ANKS1B: variants seen among roughly 807,000 people sequenced by gnomAD.
ANKS1B encodes ankyrin repeat and sterile alpha motif domain-containing protein 1B.
In ANKS1B, 36 loss-of-function variants were observed where a neutral mutation model predicts 148.3. The observed-to-expected ratio is 0.24, with a 90% confidence interval of 0.19 to 0.32. The LOEUF (loss-of-function observed/expected upper bound fraction) is 0.32. Among genes scored for constraint, ANKS1B ranks in the 10% least tolerant of loss-of-function variants. The pLI, the probability that ANKS1B is intolerant of heterozygous loss-of-function variation, is 1.00. For missense variants in ANKS1B, 1,157 were observed against 1,542.6 expected, an observed-to-expected ratio of 0.75 and a Z score of 4.19; for synonymous variants, 542 against 560.8, an observed-to-expected ratio of 0.97 and a Z score of 0.47.
intron 15 of ANKS1B, among the ~76,000 whole-genome samples, chr12:99,126,552 G>A (rs549661327): frequency 3.5e-4 from 54 of 152,162 alleles, no homozygotes; most frequent in African/African-American, 1.1e-3. Context: ...TATGCATGGC[G>A]AAGATATGTC....
At chr12:99,616,125 TAAAGGA>T (rs2097957069) in intron 9 of ANKS1B, among the ~76,000 whole-genome samples, 1 of 152,042 alleles carries the variant, frequency 6.6e-6, no homozygotes, top group Admixed American at 6.6e-5. Flanking sequence ...AAACCACTGC[TAAAGGA>T]AATCAGAGAG....
intron 1 of ANKS1B, among the ~76,000 whole-genome samples, chr12:99,842,393 T>C: frequency 6.6e-6 from 1 of 152,136 alleles, no homozygotes; most frequent in African/African-American, 2.4e-5. Flanking sequence ...AGTTCTTTGA[T>C]TAACCAAATT....
intron 9 of ANKS1B, among the ~76,000 whole-genome samples, chr12:99,646,394 C>T (rs1438623745): frequency 6.6e-6 from 1 of 152,110 alleles, no homozygotes; most frequent in Non-Finnish European, 1.5e-5. Flanking sequence ...CACGGTGGCT[C>T]ACACCTGTAA....
intron 10 of ANKS1B, among the ~76,000 whole-genome samples, chr12:99,487,344 A>G (rs2096503878): frequency 6.6e-6 from 1 of 152,212 alleles, no homozygotes; most frequent in Admixed American, 6.5e-5. Context: ...TTGTTAGACA[A>G]CAAACAGCTG....
chr12:99,576,994 AGTTAAAAAT>A (rs1446050964), intron 9 of ANKS1B, among the ~76,000 whole-genome samples: 3 of 152,010 alleles, frequency 2.0e-5, no homozygotes, highest in African/African-American at 7.2e-5. Flanking sequence ...TACATTAAGA[AGTTAAAAAT>A]GTCTCAAATT....
At chr12:99,947,391 G>A (rs898525311) in intron 1 of ANKS1B, among the ~76,000 whole-genome samples, 1 of 152,072 alleles carries the variant, frequency 6.6e-6, no homozygotes, top group Non-Finnish European at 1.5e-5. Flanking sequence ...TTGGACACCA[G>A]GGAGACAGAG....
intron 9 of ANKS1B, among the ~76,000 whole-genome samples, chr12:99,629,373 G>C (rs2098137409): frequency 6.6e-6 from 1 of 152,040 alleles, no homozygotes; most frequent in South Asian, 2.1e-4. Flanking sequence ...AAAAAAACTT[G>C]AACAACTTTT....
At chr12:98,890,829 A>G (rs1357533385) in intron 17 of ANKS1B, among the ~76,000 whole-genome samples, 1 of 152,218 alleles carries the variant, frequency 6.6e-6, no homozygotes, top group African/African-American at 2.4e-5. Context: ...GTCCCATGTT[A>G]CTAGAGCTAC....
At chr12:99,868,873 C>T (rs985907636) in intron 1 of ANKS1B, among the ~76,000 whole-genome samples, 2 of 151,982 alleles carry the variant, frequency 1.3e-5, no homozygotes, top group African/African-American at 4.8e-5. Flanking sequence ...GCCTGGCCAA[C>T]ATGGCGAAAT....
intron 1 of ANKS1B, among the ~76,000 whole-genome samples, chr12:99,952,139 A>G (rs1234993042): frequency 6.6e-6 from 1 of 152,322 alleles, no homozygotes. Flanking sequence ...TTCTATAACA[A>G]AATTGATCAA....
chr12:99,723,924 G>A (rs2058358789), intron 8 of ANKS1B, among the ~76,000 whole-genome samples: 1 of 151,356 alleles, frequency 6.6e-6, no homozygotes, highest in Non-Finnish European at 1.5e-5. Context: ...CCTGACCATT[G>A]AAAGAAAAAC....
chr12:99,361,337 T>C (rs1387171524), intron 12 of ANKS1B, among the ~76,000 whole-genome samples: 1 of 152,124 alleles, frequency 6.6e-6, no homozygotes, highest in Non-Finnish European at 1.5e-5. Flanking sequence ...AATCAAGTAC[T>C]AGGTGTACTT....
In ANKS1B at chr12:99,253,226, GA is replaced by G. The variant is rs1196450299; in HGVS notation, c.1757-6363del. Among the ~76,000 whole-genome samples, 92 of 138,782 alleles carry G rather than the reference GA, an allele frequency of 6.6e-4. 1 individual carries two copies. The highest frequency in any genetic ancestry group is 9.8e-4 in the African/African-American group (37 of 37,908). The allele number at this position is 138,782 out of a possible 152,430, so 91.0% of individuals were successfully genotyped here. A position where few individuals can be genotyped will look rare whatever the true frequency, so the allele number is the denominator to read the frequency against. Reference sequence around the variant, plus strand: ...GGGCAACAGAGTGAGACCTTCTCTAGAAAAAAAAAAAAGGCAGTGGGGGTGG... The same window carrying G: ...GGGCAACAGAGTGAGACCTTCTCTAGAAAAAAAAAAAGGCAGTGGGGGTGG... On this transcript the variant is annotated intron_variant, in intron 12 of 26. Transcript: ENST00000683438.
chr12:99,967,907 CAAA>C (rs71436975), intron 1 of ANKS1B, among the ~76,000 whole-genome samples: 23 of 106,860 alleles, frequency 2.2e-4, no homozygotes, highest in Non-Finnish European at 3.0e-4. Flanking sequence ...AACTCCGTCT[CAAA>C]AAAAAAAAAA....
At chr12:98,920,307 TG>T (rs1314208532) in intron 17 of ANKS1B, among the ~76,000 whole-genome samples, 1 of 152,218 alleles carries the variant, frequency 6.6e-6, no homozygotes, top group African/African-American at 2.4e-5. Flanking sequence ...TGGTTGAAGG[TG>T]AGTGTAGAAA....
intron 14 of ANKS1B, among the ~76,000 whole-genome samples, chr12:99,228,555 C>T (rs2086324155): frequency 6.6e-6 from 1 of 151,774 alleles, no homozygotes; most frequent in Admixed American, 6.6e-5. Flanking sequence ...AAAAAGGAAG[C>T]AAAATAGAAT....
chr12:99,405,654 CAAAT>C (rs1422139557), intron 11 of ANKS1B, among the ~76,000 whole-genome samples: 4 of 143,796 alleles, frequency 2.8e-5, no homozygotes, highest in East Asian at 1.9e-4. Context: ...AACTAGAAAA[CAAAT>C]AACACAATGG....
chr12:99,779,809 GTAACAGTT>G, intron 6 of ANKS1B, 54 bp downstream of exon 6: 1 of 1,280,070 alleles, frequency 7.8e-7, no homozygotes, highest in African/African-American at 1.5e-5. Flanking sequence ...AAAGAAAACT[GTAACAGTT>G]TTAATCTCAT....
rs146972866 is a variant in ANKS1B, at chr12:99,945,832, C to A, written c.134+38272G>T. Among the ~76,000 whole-genome samples, 44 of 152,304 alleles carry A rather than the reference C, an allele frequency of 2.9e-4. 1 individual carries two copies. Among genetic ancestry groups the A allele is most frequent in the African/African-American group, 1.0e-3 (42 of 41,572 alleles). ...GGAGGAGAGAGAGTAGACATCATAA[C>A]TGATGTTCACCAATACGTGGTTCTC... On this transcript the variant is annotated intron_variant, in intron 1 of 26. Coordinates refer to ENST00000683438, the MANE Select transcript of ANKS1B (RefSeq NM_001352186.2).
Sources: allele counts gnomAD v4.1 joint callset (sites outside exome capture counted in the v4.1 genomes callset), GRCh38; gene constraint gnomAD v4.1.1; transcripts MANE v1.5; gene names NCBI Gene and HGNC (gene_info 2026-07-23, HGNC 2026-07-21).